RYR2: variants seen among roughly 807,000 people sequenced by gnomAD.
RYR2 encodes cardiac muscle ryanodine receptor-calcium release channel.
In RYR2, 227 loss-of-function variants were observed where a neutral mutation model predicts 601.1. That is an observed-to-expected ratio of 0.38 (90% CI 0.34 to 0.42). The LOEUF (loss-of-function observed/expected upper bound fraction) is 0.42. Ranked by LOEUF, RYR2 falls within the 10% of genes least tolerant of loss-of-function variation. The pLI is 1.00. For synonymous variants in RYR2, 2,223 were observed against 2,175.1 expected, an observed-to-expected ratio of 1.02 and a Z score of -0.61; for missense variants, 4,646 against 6,156.5, an observed-to-expected ratio of 0.75 and a Z score of 8.21.
At position 237,169,288 on chromosome 1, in the gene RYR2, CTTT is replaced by C. The variant is rs527578394; in HGVS notation, c.49-101201_49-101199del. Among the ~76,000 whole-genome samples, 71 of 108,532 alleles carry C rather than the reference CTTT, an allele frequency of 6.5e-4. No individual in the cohort carries two copies. In the East Asian group the frequency reaches 6.9e-3, roughly 11 times the overall value. 71.2% of individuals were successfully genotyped at this position (108,532 alleles called of 152,430 possible). On this transcript the variant is annotated intron_variant, in intron 1 of 104. Coordinates refer to ENST00000366574, the MANE Select transcript of RYR2 (RefSeq NM_001035.3). Reference sequence around the variant, plus strand: ...TGGATGGGTTACTCTGTGTGATTGCCTTTTTTTTTTCTTCTTCTTCTTTTTTTT... The same window carrying C: ...TGGATGGGTTACTCTGTGTGATTGCCTTTTTTTCTTCTTCTTCTTTTTTTT...
At chr1:237,183,067 C>A (rs774354065) in intron 1 of RYR2, among the ~76,000 whole-genome samples, 2 of 152,094 alleles carry the variant, frequency 1.3e-5, no homozygotes, top group Admixed American at 1.3e-4. Context: ...TTTGCCAACC[C>A]GATCCTGACT....
chr1:237,695,777 A>G lies in RYR2; in HGVS notation c.9068-3188A>G, dbSNP rs547689693. The stretch of plus-strand genomic sequence containing the variant: ...ACACTTTTGCCTGGTCTACAAATTA[A>G]AATATTGAAGACTCTACTTTTTCTG... On this transcript the variant is annotated intron_variant, in intron 63 of 104. Coordinates refer to ENST00000366574, the MANE Select transcript of RYR2 (RefSeq NM_001035.3). 4.5e-4 allele frequency among the ~76,000 whole-genome samples: 68 copies of G among 152,196 alleles called. 1 individual carries two copies. Among genetic ancestry groups the G allele is most frequent in the Non-Finnish European group, 6.8e-4 (46 of 68,030 alleles).
chr1:237,511,351 A>C (rs1216574980), intron 23 of RYR2, among the ~76,000 whole-genome samples: 1 of 151,608 alleles, frequency 6.6e-6, no homozygotes, highest in African/African-American at 2.4e-5. Context: ...CTAATTAGAC[A>C]AGTGGGCAGG....
chr1:237,669,751 C>T (rs1295044761), intron 58 of RYR2, among the ~76,000 whole-genome samples: 1 of 150,052 alleles, frequency 6.7e-6, no homozygotes, highest in Non-Finnish European at 1.5e-5. Flanking sequence ...AAGAGGCGCT[C>T]CTCACTTCCT....
At chr1:237,604,195 A>G (rs1573062740) in intron 35 of RYR2, among the ~76,000 whole-genome samples, 1 of 152,208 alleles carries the variant, frequency 6.6e-6, no homozygotes, top group Admixed American at 6.5e-5. Context: ...CAGCAAATGT[A>G]AAAGAACAGA....
intron 8 of RYR2, among the ~76,000 whole-genome samples, chr1:237,383,603 A>G (rs759915587): frequency 1.4e-4 from 21 of 150,384 alleles, no homozygotes; most frequent in East Asian, 3.9e-4. Flanking sequence ...ATAATTTTTT[A>G]TATTTTTAGT....
intron 1 of RYR2, among the ~76,000 whole-genome samples, chr1:237,065,139 G>T (rs1018255379): frequency 1.4e-4 from 22 of 152,048 alleles, no homozygotes; most frequent in African/African-American, 5.1e-4. Context: ...AATATTAAAA[G>T]CAGAAAGTTA....
At chr1:237,773,759 A>G (rs1694443440) in intron 87 of RYR2, 111 bp downstream of exon 87, 3 of 758,762 alleles carry the variant, frequency 4.0e-6, no homozygotes, top group East Asian at 2.7e-5. Context: ...GTTTCTTTGC[A>G]AATTGCTACA....
chr1:237,625,930 C>T, intron 40 of RYR2, 126 bp downstream of exon 40: 5 of 1,034,842 alleles, frequency 4.8e-6, no homozygotes, highest in Non-Finnish European at 5.6e-6. Flanking sequence ...GAATCAGACT[C>T]TTAAGTAGAT....
At chr1:237,415,035 T>A (rs1704824782) in intron 10 of RYR2, among the ~76,000 whole-genome samples, 1 of 152,088 alleles carries the variant, frequency 6.6e-6, no homozygotes, top group Admixed American at 6.6e-5. Flanking sequence ...GGTGGGAGGC[T>A]ACTGGTGGCA....
rs1671537707 is a variant in RYR2 at position 237,127,223 on chromosome 1, T to G, written c.48+84654T>G. Among the ~76,000 whole-genome samples, 10 of 152,278 alleles carry G rather than the reference T, an allele frequency of 6.6e-5. No individual in the cohort carries two copies. In the South Asian group the frequency reaches 2.1e-3, roughly 32 times the overall value. ...AGGGCAACCATCCGATTTCTCAATC[T>G]TTTCCCCACCTTTCCCGCCTTTCTA... On this transcript the variant is annotated intron_variant, in intron 1 of 104. Transcript: ENST00000366574.
At chr1:237,562,172 C>T (rs902479069) in intron 27 of RYR2, among the ~76,000 whole-genome samples, 1 of 151,990 alleles carries the variant, frequency 6.6e-6, no homozygotes, top group African/African-American at 2.4e-5. Flanking sequence ...GTACTGTTGT[C>T]AATAATATTT....
intron 27 of RYR2, among the ~76,000 whole-genome samples, chr1:237,560,361 T>A (rs532292732): frequency 6.6e-6 from 1 of 152,356 alleles, no homozygotes; most frequent in African/African-American, 2.4e-5. Flanking sequence ...CTATTTGCAC[T>A]GGGCAAGCTC....
chr1:237,642,225 A>G (rs1370578244), intron 47 of RYR2, among the ~76,000 whole-genome samples: 1 of 152,176 alleles, frequency 6.6e-6, no homozygotes, highest in Non-Finnish European at 1.5e-5. Context: ...TAGGTTTTTC[A>G]TACCCAGAGG....
At chr1:237,795,394 G>T in intron 96 of RYR2, 63 bp downstream of exon 96, 1 of 795,564 alleles carries the variant, frequency 1.3e-6, no homozygotes. Flanking sequence ...TATTTGATGT[G>T]ATTCAGATGT....
chr1:237,428,988 G>T (rs185909450), intron 12 of RYR2, among the ~76,000 whole-genome samples: 54 of 151,970 alleles, frequency 3.6e-4, no homozygotes, highest in Middle Eastern at 3.4e-3. Context: ...GAGAGCTGCC[G>T]CAGAAGCCCT....
chr1:237,456,095 G>A lies in RYR2; in HGVS notation c.1477-505G>A, dbSNP rs6685782. ...GATAGCTCTTTATGTGGTTTGCCAC[G>A]CTTTTTACAACCTTGATCTACCAAT... On this transcript the variant is annotated intron_variant, in intron 15 of 104. Transcript: ENST00000366574. Among the ~76,000 whole-genome samples, 739 of 152,082 alleles carry A rather than the reference G, an allele frequency of 4.9e-3. 6 individuals carry two copies. Among genetic ancestry groups the A allele is most frequent in the African/African-American group, 0.017 (702 of 41,494 alleles).
Position 237,631,660 on chromosome 1 carries a change from A to T in RYR2, c.6555+119A>T, listed in dbSNP as rs916491882. ...TTTTTTTTTTTGGAGACAGAGGCTC[A>T]CTCTGTCGCCCAGGCTGGAGTGCAG... On this transcript the variant is annotated intron_variant, in intron 42 of 104. Coordinates refer to ENST00000366574, the MANE Select transcript of RYR2 (RefSeq NM_001035.3). 1.3e-4 allele frequency: 62 copies of T among 463,554 alleles called. No homozygotes were observed. In the African/African-American group the frequency reaches 2.5e-3, roughly 19 times the overall value. The allele number at this position is 463,554 out of a possible 1,614,324, so 28.7% of individuals were successfully genotyped here.
intron 17 of RYR2, among the ~76,000 whole-genome samples, chr1:237,487,332 T>A (rs1241805059): frequency 6.6e-6 from 1 of 152,176 alleles, no homozygotes; most frequent in African/African-American, 2.4e-5. Context: ...TATTTAAAAA[T>A]GGACTCTTTG....
Sources: allele counts gnomAD v4.1 joint callset (sites outside exome capture counted in the v4.1 genomes callset), GRCh38; gene constraint gnomAD v4.1.1; transcripts MANE v1.5; gene names NCBI Gene and HGNC (gene_info 2026-07-23, HGNC 2026-07-21).